Variants in DVL2 observed in about 807,000 individuals in gnomAD.
DVL2 encodes segment polarity protein dishevelled homolog DVL-2.
A neutral mutation model predicts 69.8 loss-of-function variants in DVL2; 38 were observed. The ratio of observed to expected loss-of-function variants is 0.54; its 90% CI spans 0.42 to 0.71. The LOEUF (loss-of-function observed/expected upper bound fraction) is 0.71, where lower values mean the gene tolerates loss of function less well. Among genes scored for constraint, DVL2 ranks in the 30% least tolerant of loss-of-function variants. DVL2 has a pLI of 0.00. For synonymous variants in DVL2, 428 were observed against 392.4 expected (o/e 1.09, Z -1.07); for missense variants, 931 against 1,008.1 (o/e 0.92, Z 1.04).
intron 3 of DVL2, 32 bp downstream of exon 3, chr17:7,230,253 C>T (rs1441946078): frequency 6.2e-7 from 1 of 1,613,638 alleles, no homozygotes; most frequent in South Asian, 1.1e-5. Flanking sequence ...CCTCACCTCC[C>T]TCCCCTGCAG....
chr17:7,227,265 C>A lies in DVL2; in HGVS notation c.1368G>T (p.Ser456=), dbSNP rs372045778. 4 of 1,607,798 alleles carry A rather than the reference C, an allele frequency of 2.5e-6. No homozygotes were observed. The highest frequency in any genetic ancestry group is 2.2e-5 in the East Asian group (1 of 44,778). Residue 456 remains serine, a synonymous_variant, in exon 13 of 15, where the codon TCG becomes TCT. Coordinates refer to ENST00000005340, the MANE Select transcript of DVL2 (RefSeq NM_004422.3). ...GATGGTAGAGCCAGTCAACCACATC[C>A]GAGCCTGGGAGCACCCACAGTGGAA... ...KITIPNAFLG[S]DVVDWLYHHV...
intron 14 of DVL2, 36 bp from the exon 15 acceptor site, chr17:7,226,349 C>T: frequency 1.3e-6 from 2 of 1,536,488 alleles, no homozygotes; most frequent in Non-Finnish European, 1.7e-6. Context: ...GAGTCCTCAC[C>T]CAGGCTCCTC....
At position 7,227,793 on chromosome 17, in the gene DVL2, A is replaced by C. The variant is rs1567573223; in HGVS notation, c.1103-10T>G. 6.4e-7 allele frequency: 1 copy of C among 1,564,374 alleles called. No individual in the cohort carries two copies. Among genetic ancestry groups the C allele is most frequent in the Non-Finnish European group, 8.7e-7 (1 of 1,154,042 alleles). ...GGCTGGATGGGCTCATCTGGGACAAAGATGGCACCAAAATGACCCATTCTC... is the reference window on the plus strand; with the variant it reads ...GGCTGGATGGGCTCATCTGGGACAACGATGGCACCAAAATGACCCATTCTC... On this transcript the variant is annotated splice_polypyrimidine_tract_variant and intron_variant, in intron 10 of 14. Coordinates refer to ENST00000005340, the MANE Select transcript of DVL2 (RefSeq NM_004422.3).
In DVL2 at chr17:7,233,087, C is replaced by CAAAAAAAAAAAAAAAA. The variant is rs59984818; in HGVS notation, c.194+966_194+981dup. 1.4e-3 allele frequency among the ~76,000 whole-genome samples: 49 copies of CAAAAAAAAAAAAAAAA among 36,288 alleles called. 7 individuals are homozygous for CAAAAAAAAAAAAAAAA. The highest frequency in any genetic ancestry group is 4.8e-3 in the East Asian group (5 of 1,046). The allele number at this position is 36,288 out of a possible 152,430, so 23.8% of individuals were successfully genotyped here. ...CCTGGGCGACAGAGCGAGACTGTCT[C>CAAAAAAAAAAAAAAAA]AAAAAAAAAAAAAAAAAAAAGCAGA... On this transcript the variant is annotated intron_variant, in intron 1 of 14. Transcript: ENST00000005340.
At position 7,227,979 on chromosome 17, in the gene DVL2, C is replaced by CG; in HGVS notation, c.1099dup (p.Arg367ProfsTer3). 1.9e-6 allele frequency: 3 copies of CG among 1,573,686 alleles called. No homozygotes were observed. The highest frequency in any genetic ancestry group is 2.6e-6 in the Non-Finnish European group (3 of 1,159,844). ...GCCCCTCCCTGAGTGTCACTCACTT[C>CG]GGGGGAGAGTGAAATAGGCCTGAGG... On this transcript the variant is annotated frameshift_variant, in exon 10 of 15. Coordinates refer to ENST00000005340, the MANE Select transcript of DVL2 (RefSeq NM_004422.3). LOFTEE classifies it high-confidence loss of function.
chr17:7,225,642 A>C lies in DVL2; in HGVS notation c.*223T>G. ...AGAAACTCTATTTTAACCCCCAAAA[A>C]GGCTTATAAAAAAACAAAGCTAAAA... On this transcript the variant is annotated 3_prime_UTR_variant, in exon 15 of 15. Coordinates refer to ENST00000005340, the MANE Select transcript of DVL2 (RefSeq NM_004422.3). The C allele has an allele frequency of 1.8e-6, 1 of 561,766 alleles. No homozygotes were observed. The highest frequency in any genetic ancestry group is 2.3e-5 in the South Asian group (1 of 44,078). The allele number at this position is 561,766 out of a possible 1,614,324, so 34.8% of individuals were successfully genotyped here.
intron 13 of DVL2, 179 bp downstream of exon 13, chr17:7,226,911 A>G (rs1165699174): frequency 4.4e-6 from 3 of 689,542 alleles, no homozygotes; most frequent in African/African-American, 3.6e-5. Flanking sequence ...TGGCTTGTCC[A>G]GCAGCACATG....
chr17:7,234,417 G>T lies in DVL2; in HGVS notation c.-155C>A. 2 of 890,018 alleles carry T rather than the reference G, an allele frequency of 2.2e-6. No individual in the cohort carries two copies. Among genetic ancestry groups the T allele is most frequent in the Non-Finnish European group, 3.2e-6 (2 of 619,372 alleles). The allele number at this position is 890,018 out of a possible 1,614,324, so 55.1% of individuals were successfully genotyped here. A position where few individuals can be genotyped will look rare whatever the true frequency, so the allele number is the denominator to read the frequency against. On this transcript the variant is annotated 5_prime_UTR_variant, in exon 1 of 15. Transcript: ENST00000005340. ...GGGGAAAAAGCACGGATCTGCGAGGGTGGCGGCGGGGGGCGGGCCGCGGGG... is the reference window on the plus strand; with the variant it reads ...GGGGAAAAAGCACGGATCTGCGAGGTTGGCGGCGGGGGGCGGGCCGCGGGG...
Position 7,228,046 on chromosome 17 carries a change from T to C in DVL2, c.1035-2A>G. On this transcript the variant is annotated splice_acceptor_variant, in intron 9 of 14. Coordinates refer to ENST00000005340, the MANE Select transcript of DVL2 (RefSeq NM_004422.3). LOFTEE classifies it high-confidence loss of function. ...TTGGCCACAGTCAGCACAATGGGGC[T>C]ATGGGGAAGAGAAGTCCAGTCAAGG... 1 of 1,535,064 alleles carries C rather than the reference T, an allele frequency of 6.5e-7. No individual in the cohort carries two copies. Among genetic ancestry groups the C allele is most frequent in the Non-Finnish European group, 8.7e-7 (1 of 1,143,374 alleles).
In DVL2 at chr17:7,229,406, G is replaced by C; in HGVS notation, c.789C>G (p.Leu263=). ...TGTTTAGCGTGACTGTGATGATATT[G>C]AGAGACATTGTGGAATCTGTGACGC... is the stretch of plus-strand genomic sequence containing the variant. The part of the protein sequence containing the change: ...FSSVTDSTMS[L]NIITVTLNME... Residue 263 remains leucine (L), a synonymous_variant, in exon 7 of 15, where the codon CTC becomes CTG. Transcript: ENST00000005340. The surrounding 1 kb of genome is among the most constrained non-coding windows in gnomAD (Gnocchi z 4.4). 1 of 1,613,996 alleles carries C rather than the reference G, an allele frequency of 6.2e-7. No individual in the cohort carries two copies. The highest frequency in any genetic ancestry group is 8.5e-7 in the Non-Finnish European group (1 of 1,180,028).
Position 7,227,235 on chromosome 17 carries a change from C to T in DVL2, c.1398G>A (p.Val466=), listed in dbSNP as rs752007988. Residue 466 remains valine (V), a synonymous_variant, in exon 13 of 15, where the codon GTG becomes GTA. Coordinates refer to ENST00000005340, the MANE Select transcript of DVL2 (RefSeq NM_004422.3). The part of the protein sequence containing the change: ...SDVVDWLYHH[V]EGFPERREAR... ...CCTCCCGCCGCTCAGGAAAGCCCTCCACGTGATGGTAGAGCCAGTCAACCA... is the reference window on the plus strand; with the variant it reads ...CCTCCCGCCGCTCAGGAAAGCCCTCTACGTGATGGTAGAGCCAGTCAACCA... 1.9e-6 allele frequency: 3 copies of T among 1,613,304 alleles called. No individual in the cohort carries two copies. Among genetic ancestry groups the T allele is most frequent in the Non-Finnish European group, 2.5e-6 (3 of 1,179,478 alleles).
chr17:7,231,441 C>CAGAGT (rs2071541323), intron 1 of DVL2, among the ~76,000 whole-genome samples: 1 of 93,784 alleles, frequency 1.1e-5, no homozygotes, highest in African/African-American at 4.7e-5. Flanking sequence ...CCAGCCTGGG[C>CAGAGT]GGCTCAAAAA....
Position 7,225,467 on chromosome 17 carries a change from G to A in DVL2, c.*398C>T, listed in dbSNP as rs557641177. The A allele has an allele frequency of 2.3e-4, 97 of 430,108 alleles. 1 individual carries two copies. The highest frequency in any genetic ancestry group is 3.2e-4 in the Non-Finnish European group (74 of 234,436). 26.6% of individuals were successfully genotyped at this position (430,108 alleles called of 1,614,324 possible). Reference sequence around the variant, plus strand: ...GCTGCTGTCTAGGATGCCTAACCCCGGGGTACCGCTGACCACCCCCAACCC... The same window carrying A: ...GCTGCTGTCTAGGATGCCTAACCCCAGGGTACCGCTGACCACCCCCAACCC... On this transcript the variant is annotated 3_prime_UTR_variant, in exon 15 of 15. Coordinates refer to ENST00000005340, the MANE Select transcript of DVL2 (RefSeq NM_004422.3).
chr17:7,234,352 G>T lies in DVL2; in HGVS notation c.-90C>A, dbSNP rs904682433. 2.1e-6 allele frequency: 3 copies of T among 1,445,424 alleles called. No individual in the cohort carries two copies. The highest frequency in any genetic ancestry group is 1.3e-5 in the South Asian group (1 of 76,902). 89.5% of individuals were successfully genotyped at this position (1,445,424 alleles called of 1,614,324 possible). A position where few individuals can be genotyped will look rare whatever the true frequency, so the allele number is the denominator to read the frequency against. Reference sequence around the variant, plus strand: ...TGCGCACACCCGCAAACCGACGCGCGAGCGCGGACAGGACTGACCCAGTAC... The same window carrying T: ...TGCGCACACCCGCAAACCGACGCGCTAGCGCGGACAGGACTGACCCAGTAC... On this transcript the variant is annotated 5_prime_UTR_variant, in exon 1 of 15. Transcript: ENST00000005340.
Position 7,229,486 on chromosome 17 carries a change from C to G in DVL2, c.748-39G>C. The G allele has an allele frequency of 6.2e-7, 1 of 1,613,802 alleles. No homozygotes were observed. Among genetic ancestry groups the G allele is most frequent in the African/African-American group, 1.3e-5 (1 of 75,044 alleles). ...AGGAGCCAGAGTGCCCTTCAATAACCCAGGGTCAACCCTGGGGTGCTGCCG... is the reference window on the plus strand; with the variant it reads ...AGGAGCCAGAGTGCCCTTCAATAACGCAGGGTCAACCCTGGGGTGCTGCCG... On this transcript the variant is annotated intron_variant, in intron 6 of 14. Coordinates refer to ENST00000005340, the MANE Select transcript of DVL2 (RefSeq NM_004422.3). This position sits in a 1 kb window ranked among gnomAD's most constrained non-coding sequence, Gnocchi z 4.4.
chr17:7,230,702 T>C (rs781722834), intron 2 of DVL2, 26 bp downstream of exon 2: 1 of 1,600,328 alleles, frequency 6.2e-7, no homozygotes, highest in East Asian at 2.2e-5. Context: ...TGAGGGGGCC[T>C]GGTCCTCGGT....
intron 1 of DVL2, among the ~76,000 whole-genome samples, chr17:7,233,386 C>T (rs1366661518): frequency 4.6e-5 from 7 of 152,208 alleles, no homozygotes; most frequent in Non-Finnish European, 8.8e-5. Flanking sequence ...CCAAGTCTTG[C>T]CCCAAGAGAA....
chr17:7,232,865 G>A (rs2071563090), intron 1 of DVL2, among the ~76,000 whole-genome samples: 1 of 152,182 alleles, frequency 6.6e-6, no homozygotes, highest in Admixed American at 6.5e-5. Context: ...TGAGGCGGGC[G>A]AATCACGAGG....
At chr17:7,226,679 A>G (rs779400293) in intron 13 of DVL2, 40 bp from the exon 14 acceptor site, 1 of 1,435,154 alleles carries the variant, frequency 7.0e-7, no homozygotes, top group South Asian at 1.4e-5. Flanking sequence ...CACTGCTTCA[A>G]GAGGCTAGGG....
Sources: allele counts gnomAD v4.1 joint callset (sites outside exome capture counted in the v4.1 genomes callset), GRCh38; gene constraint gnomAD v4.1.1; non-coding constraint Gnocchi (gnomAD v3.1); transcripts MANE v1.5; gene names NCBI Gene and HGNC (gene_info 2026-07-23, HGNC 2026-07-21).